GFM1: variants seen among roughly 807,000 people sequenced by gnomAD.
The protein encoded by GFM1 is G elongation factor mitochondrial 1.
GFM1 carries 62 observed loss-of-function variants against 96.2 expected under a neutral mutation model. The ratio of observed to expected loss-of-function variants is 0.64; its 90% CI spans 0.53 to 0.80. The LOEUF is 0.80. Among genes scored for constraint, GFM1 ranks in the 30% least tolerant of loss-of-function variants. The pLI, the probability that GFM1 is intolerant of heterozygous loss-of-function variation, is 0.00. For synonymous variants in GFM1, 282 were observed against 312.9 expected, an observed-to-expected ratio of 0.90 and a Z score of 1.04; for missense variants, 852 against 916.6, an observed-to-expected ratio of 0.93 and a Z score of 0.91.
chr3:158,666,609 A>G (rs753958415), intron 13 of GFM1: 3 of 1,560,908 alleles, frequency 1.9e-6, no homozygotes, highest in Admixed American at 1.7e-5. Context: ...ATACACATCA[A>G]TAGACATGTT....
intron 16 of GFM1, 66 bp from the exon 17 acceptor site, chr3:158,691,073 C>T (rs372288040): frequency 3.1e-5 from 33 of 1,059,844 alleles, no homozygotes; most frequent in Admixed American, 1.7e-4. Context: ...GGCTAAAATG[C>T]GTCTGTATTT....
At chr3:158,672,681 G>A in intron 13 of GFM1, 1 of 530,750 alleles carries the variant, frequency 1.9e-6, no homozygotes, top group East Asian at 3.8e-5. Context: ...AGAGCCCTGG[G>A]CTGACTGCTT....
intron 13 of GFM1, among the ~76,000 whole-genome samples, chr3:158,676,012 C>G (rs1576776925): frequency 1.3e-5 from 2 of 152,218 alleles, no homozygotes; most frequent in African/African-American, 4.8e-5. Context: ...GTGGCTCACA[C>G]CTGTAATCCT....
chr3:158,694,112 A>G lies in GFM1; in HGVS notation c.*2645A>G, dbSNP rs955822843. Among the ~76,000 whole-genome samples, 1 of 152,148 alleles carries G rather than the reference A, an allele frequency of 6.6e-6. No homozygotes were observed. Among genetic ancestry groups the G allele is most frequent in the African/African-American group, 2.4e-5 (1 of 41,424 alleles). ...CCAAAGGAACGTAAATCATTCTATT[A>G]TAAAGACACATGCATGCACACATTC... On this transcript the variant is annotated 3_prime_UTR_variant, in exon 18 of 18. Transcript: ENST00000486715.
Position 158,669,573 on chromosome 3 carries a change from G to A in GFM1, c.1601+3187G>A, listed in dbSNP as rs770729759. 1.7e-5 allele frequency: 28 copies of A among 1,613,834 alleles called. No homozygotes were observed. In the African/African-American group the frequency reaches 2.1e-4, roughly 12 times the overall value. On this transcript the variant is annotated intron_variant, in intron 13 of 17. Transcript: ENST00000486715. ...TGGTGCAGTTTCTTGTCCCGTTGAAGGGTAAAGTACTTCAGCTGTGCAGTT... is the reference window on the plus strand; with the variant it reads ...TGGTGCAGTTTCTTGTCCCGTTGAAAGGTAAAGTACTTCAGCTGTGCAGTT...
In GFM1 at chr3:158,662,659, C is replaced by T; in HGVS notation, c.1355C>T (p.Ser452Leu). 6.3e-7 allele frequency: 1 copy of T among 1,598,246 alleles called. No homozygotes were observed. Among genetic ancestry groups the T allele is most frequent in the Non-Finnish European group, 8.6e-7 (1 of 1,166,110 alleles). The change falls in exon 11 of 18, where the codon TCA (serine) becomes TTA (leucine). Residue 452 changes from serine (S) to leucine (L), a missense_variant. Transcript: ENST00000486715. ...ATTCATGTTCCTGATCCTGTCATTT[C>T]AATAGCAATGAAGCCTTCTAACAAG... Reference protein sequence around the residue: ...ESIHVPDPVISIAMKPSNKND... With the variant: ...ESIHVPDPVILIAMKPSNKND...
chr3:158,650,022 T>G, intron 5 of GFM1: 1 of 1,536,018 alleles, frequency 6.5e-7, no homozygotes, highest in Non-Finnish European at 8.7e-7. Flanking sequence ...CTGAGGGATT[T>G]CCTTCCTCTG....
chr3:158,671,122 G>T, intron 13 of GFM1: 1 of 1,300,902 alleles, frequency 7.7e-7, no homozygotes, highest in East Asian at 3.0e-5. Context: ...GCTGGCTGAA[G>T]GGGAATGGTG....
At chr3:158,676,630 A>G (rs918160774) in intron 13 of GFM1, among the ~76,000 whole-genome samples, 2 of 151,808 alleles carry the variant, frequency 1.3e-5, no homozygotes, top group Non-Finnish European at 2.9e-5. Flanking sequence ...CACAGATAGT[A>G]TGTTTTTTAC....
chr3:158,661,966 A>G (rs1723235472), intron 10 of GFM1, among the ~76,000 whole-genome samples: 1 of 152,226 alleles, frequency 6.6e-6, no homozygotes, highest in African/African-American at 2.4e-5. Context: ...ATGTTTTCTA[A>G]GTATTATTGA....
At position 158,695,183 on chromosome 3, in the gene GFM1, G is replaced by A. The variant is rs1010573374; in HGVS notation, c.*3716G>A. Among the ~76,000 whole-genome samples, 3 of 152,116 alleles carry A rather than the reference G, an allele frequency of 2.0e-5. No individual in the cohort carries two copies. The highest frequency in any genetic ancestry group is 7.2e-5 in the African/African-American group (3 of 41,412). On this transcript the variant is annotated 3_prime_UTR_variant, in exon 18 of 18. Transcript: ENST00000486715. ...GAGGTCAGGAGTTCGAGACCACCCT[G>A]GCCAACACGGTGAAACCCCGTCTCT...
intron 3 of GFM1, 112 bp downstream of exon 3, chr3:158,646,409 C>A: frequency 1.8e-6 from 2 of 1,119,978 alleles, no homozygotes; most frequent in Non-Finnish European, 2.7e-6. Context: ...AAGTGTAACA[C>A]TGAATTCCTA....
intron 15 of GFM1, among the ~76,000 whole-genome samples, chr3:158,688,690 T>C (rs946811521): frequency 1.4e-4 from 21 of 152,174 alleles, no homozygotes; most frequent in African/African-American, 5.1e-4. Flanking sequence ...ACTCTAAAAT[T>C]GTTAGTGTGA....
intron 11 of GFM1, among the ~76,000 whole-genome samples, chr3:158,664,314 A>G (rs1723435121): frequency 2.6e-5 from 4 of 152,358 alleles, no homozygotes; most frequent in South Asian, 4.1e-4. Flanking sequence ...GCTGTTCTCA[A>G]AGGGCTAAAT....
intron 13 of GFM1, among the ~76,000 whole-genome samples, chr3:158,680,001 A>G (rs1410168384): frequency 4.6e-5 from 7 of 152,236 alleles, no homozygotes; most frequent in African/African-American, 1.7e-4. Context: ...TAATTAGTAG[A>G]AATGCCCATT....
chr3:158,666,512 A>G, intron 13 of GFM1, 126 bp downstream of exon 13: 1 of 1,142,794 alleles, frequency 8.8e-7, no homozygotes, highest in Non-Finnish European at 1.3e-6. Flanking sequence ...TGGACTCTAT[A>G]AAGTTCTATA....
In GFM1 at chr3:158,660,975, G is replaced by A. The variant is rs373337937; in HGVS notation, c.1323G>A (p.Met441Ile). Residue 441 changes from methionine to isoleucine, a missense_variant and splice_region_variant, in exon 10 of 18, where the codon ATG becomes ATA. Met to Ile is a conservative substitution (Grantham distance 10). Transcript: ENST00000486715. ...FTDKANSGLSMESIHVPDPVI... is the reference protein window; with the variant it reads ...FTDKANSGLSIESIHVPDPVI... ...ACAAAGCCAACAGCGGCCTTTCTAT[G>A]GTAAGCCATTTAATTTCAAAGCTAC... is the stretch of plus-strand genomic sequence containing the variant. The A allele has an allele frequency of 1.2e-6, 2 of 1,610,468 alleles. No individual in the cohort carries two copies. Among genetic ancestry groups the A allele is most frequent in the African/African-American group, 2.7e-5 (2 of 74,914 alleles).
chr3:158,667,932 T>C (rs554955546), intron 13 of GFM1, among the ~76,000 whole-genome samples: 1 of 152,342 alleles, frequency 6.6e-6, no homozygotes, highest in African/African-American at 2.4e-5. Context: ...GGCATGACTA[T>C]AGTAATTTGA....
chr3:158,695,573 G>T lies in GFM1; in HGVS notation c.*4106G>T, dbSNP rs778111759. On this transcript the variant is annotated 3_prime_UTR_variant, in exon 18 of 18. Coordinates refer to ENST00000486715, the MANE Select transcript of GFM1 (RefSeq NM_024996.7). ...ATAAATCTGCTAAAAGGTTACCTTA[G>T]AAACATTACCTGGTTGGATTATGGA... The T allele has an allele frequency of 6.6e-6, 1 of 152,090 alleles. No individual in the cohort carries two copies. Among genetic ancestry groups the T allele is most frequent in the South Asian group, 2.1e-4 (1 of 4,820 alleles). 9.4% of individuals were successfully genotyped at this position (152,090 alleles called of 1,614,324 possible). A position where few individuals can be genotyped will look rare whatever the true frequency, so the allele number is the denominator to read the frequency against.
Sources: gnomAD v4.1 joint callset for allele counts (sites outside exome capture counted in the v4.1 genomes callset) on GRCh38, gnomAD v4.1.1 for gene constraint, MANE v1.5 for transcripts, NCBI Gene and HGNC (gene_info 2026-07-23, HGNC 2026-07-21) for gene names.